The following ZFHX3 variants were observed in gnomAD, a reference collection of about 807,000 sequenced individuals.
ZFHX3 encodes the protein zinc finger homeobox 3.
Under a neutral mutation model 279.1 loss-of-function variants are expected in ZFHX3, and 42 were observed. That is an observed-to-expected ratio of 0.15 (90% CI 0.12 to 0.19). The LOEUF is 0.19. ZFHX3 is among the 10% of genes least tolerant of loss of function. ZFHX3 has a pLI of 1.00. For synonymous variants in ZFHX3, 2,293 were observed against 1,957.8 expected (o/e 1.17, Z -4.52); for missense variants, 4,981 against 4,754.0 (o/e 1.05, Z -1.40).
chr16:73,846,932 G>C lies in ZFHX3; in HGVS notation c.-1608+44719C>G, dbSNP rs1426628350. 1.6e-4 allele frequency among the ~76,000 whole-genome samples: 24 copies of C among 151,498 alleles called. 1 individual carries two copies. Among genetic ancestry groups the C allele is most frequent in the Non-Finnish European group, 3.2e-4 (22 of 67,874 alleles). On this transcript the variant is annotated intron_variant, in intron 1 of 17. Transcript: ENST00000641206. ...TTTATTTTAAACTTGTTTTTAAATA[G>C]TTTTTTTTTCTCCTTTGTTTATATA...
At chr16:73,833,491 A>G (rs1481917601) in intron 1 of ZFHX3, among the ~76,000 whole-genome samples, 1 of 152,148 alleles carries the variant, frequency 6.6e-6, no homozygotes, top group African/African-American at 2.4e-5. Flanking sequence ...TTCTTCAGCA[A>G]ACTAACACAA....
chr16:73,126,120 T>A (rs1966565597), intron 7 of ZFHX3, among the ~76,000 whole-genome samples: 1 of 151,708 alleles, frequency 6.6e-6, no homozygotes, highest in Non-Finnish European at 1.5e-5. Context: ...AGACAGAGAA[T>A]GGGGAGAGAG....
intron 1 of ZFHX3, among the ~76,000 whole-genome samples, chr16:73,055,100 G>A (rs1476850450): frequency 2.7e-5 from 4 of 149,842 alleles, no homozygotes; most frequent in African/African-American, 4.9e-5. Context: ...AACAAATTAC[G>A]ACCTAAACAT....
At chr16:73,355,099 C>T (rs538349176) in intron 3 of ZFHX3, among the ~76,000 whole-genome samples, 5 of 152,192 alleles carry the variant, frequency 3.3e-5, no homozygotes, top group South Asian at 2.1e-4. Flanking sequence ...GAGGTGTGTT[C>T]GGGGGATACG....
At chr16:73,087,021 T>C (rs1228761134) in intron 8 of ZFHX3, among the ~76,000 whole-genome samples, 3 of 152,190 alleles carry the variant, frequency 2.0e-5, no homozygotes, top group Non-Finnish European at 2.9e-5. Context: ...GTATCCCAGT[T>C]ACCCTGATGA....
chr16:73,536,374 A>T (rs886296998), intron 2 of ZFHX3, among the ~76,000 whole-genome samples: 2 of 152,230 alleles, frequency 1.3e-5, no homozygotes, highest in Non-Finnish European at 2.9e-5. Context: ...TTTGGGAGCT[A>T]CAGCCTCAGT....
chr16:73,389,857 C>T (rs1455976973), intron 3 of ZFHX3, among the ~76,000 whole-genome samples: 5 of 152,086 alleles, frequency 3.3e-5, no homozygotes, highest in Non-Finnish European at 1.5e-5. Flanking sequence ...GTCAGGAGTT[C>T]GAGACCAGCC....
chr16:73,497,532 T>C (rs922713249), intron 2 of ZFHX3, among the ~76,000 whole-genome samples: 4 of 152,104 alleles, frequency 2.6e-5, no homozygotes, highest in Middle Eastern at 3.4e-3. Flanking sequence ...TAGATGGGTG[T>C]GGAAGCATAT....
rs996224691 is a variant in ZFHX3, at chr16:73,421,481, T to G, written c.-1291+34522A>C. On this transcript the variant is annotated intron_variant, in intron 3 of 17. Coordinates refer to the ZFHX3 transcript ENST00000641206. The stretch of plus-strand genomic sequence containing the variant: ...TTTTGAATGAATTTGCAAAATAATT[T>G]TGCTAAATTACATAAATATCTTTAG... 4 of 152,240 alleles carry G rather than the reference T, an allele frequency of 2.6e-5. No homozygotes were observed. The East Asian group carries it at 7.7e-4, about 29-fold the overall frequency. 9.4% of individuals were successfully genotyped at this position (152,240 alleles called of 1,614,324 possible).
chr16:73,085,771 CA>C (rs1966004125), intron 8 of ZFHX3, among the ~76,000 whole-genome samples: 1 of 151,746 alleles, frequency 6.6e-6, no homozygotes, highest in South Asian at 2.1e-4. Context: ...TTGGTCTGGG[CA>C]AAAATTTTGG....
chr16:72,957,717 TCA>T lies in ZFHX3; in HGVS notation c.2427_2428del (p.Cys809Ter). The stretch of plus-strand genomic sequence containing the variant: ...GTTCCTGGCCACGTTGGTCTCATAA[TCA>T]CACACCTCGCACCGCCAGGTGGGTT... On this transcript the variant is annotated stop_gained and frameshift_variant, in exon 2 of 10. Coordinates refer to ENST00000268489, the MANE Select transcript of ZFHX3 (RefSeq NM_006885.4). LOFTEE classifies it high-confidence loss of function. 1 of 1,614,158 alleles carries T rather than the reference TCA, an allele frequency of 6.2e-7. No individual in the cohort carries two copies. The highest frequency in any genetic ancestry group is 8.5e-7 in the Non-Finnish European group (1 of 1,180,020).
chr16:73,473,089 C>A lies in ZFHX3; in HGVS notation c.-1546-16831G>T, dbSNP rs533930417. Among the ~76,000 whole-genome samples, 14 of 151,578 alleles carry A rather than the reference C, an allele frequency of 9.2e-5. No individual in the cohort carries two copies. In the South Asian group the frequency reaches 2.9e-3, roughly 32 times the overall value. ...GGCACAGTGGCTCATGCCTCTATTC[C>A]CACCACTTTGGGAGGCTGAGGTAGG... On this transcript the variant is annotated intron_variant, in intron 2 of 17. Coordinates refer to the ZFHX3 transcript ENST00000641206.
intron 5 of ZFHX3, among the ~76,000 whole-genome samples, chr16:73,192,955 T>G (rs1162950237): frequency 6.6e-6 from 1 of 152,166 alleles, no homozygotes; most frequent in Non-Finnish European, 1.5e-5. Flanking sequence ...TCAGTTTCCC[T>G]GTCTGTGAAA....
At chr16:73,107,381 C>T (rs199690727) in intron 7 of ZFHX3, among the ~76,000 whole-genome samples, 1 of 151,986 alleles carries the variant, frequency 6.6e-6, no homozygotes, top group African/African-American at 2.4e-5. Flanking sequence ...TATTTCATAT[C>T]AAACCTTATT....
rs557253614 is a variant in ZFHX3 at position 73,600,829 on chromosome 16, G to C, written c.-1547+79351C>G. 3.3e-5 allele frequency among the ~76,000 whole-genome samples: 5 copies of C among 152,184 alleles called. 1 individual carries two copies. The South Asian group carries it at 1.0e-3, about 32-fold the overall frequency. On this transcript the variant is annotated intron_variant, in intron 2 of 17. Coordinates refer to the ZFHX3 transcript ENST00000641206. Reference sequence around the variant, plus strand: ...ACACCCAATCCCTTCCAGAAGAGTAGGCACATACCCAAATCTGGTTTGTCA... The same window carrying C: ...ACACCCAATCCCTTCCAGAAGAGTACGCACATACCCAAATCTGGTTTGTCA...
chr16:73,314,040 A>G (rs2015389681), intron 4 of ZFHX3, among the ~76,000 whole-genome samples: 1 of 152,152 alleles, frequency 6.6e-6, no homozygotes, highest in South Asian at 2.1e-4. Flanking sequence ...TGGAGGTTGC[A>G]GTGAGCCAAG....
chr16:73,191,738 C>T (rs1005926147), intron 5 of ZFHX3, among the ~76,000 whole-genome samples: 20 of 150,216 alleles, frequency 1.3e-4, no homozygotes, highest in Non-Finnish European at 2.5e-4. Context: ...TTTTTTTCTG[C>T]GGGAAGACAA....
At chr16:73,071,456 T>TCTGCTGCTGCTG (rs749188404) in intron 8 of ZFHX3, among the ~76,000 whole-genome samples, 41 of 150,708 alleles carry the variant, frequency 2.7e-4, no homozygotes, top group African/African-American at 9.4e-4. Flanking sequence ...TGGTCTTTTC[T>TCTGCTGCTGCTG]CTGCTGCTGC....
At chr16:73,077,763 G>A (rs181202511) in intron 8 of ZFHX3, among the ~76,000 whole-genome samples, 43 of 152,264 alleles carry the variant, frequency 2.8e-4, no homozygotes, top group Non-Finnish European at 1.6e-4. Context: ...TAAATTTGCC[G>A]ATCGTGTCAA....
Sources: gnomAD v4.1 joint callset for allele counts (sites outside exome capture counted in the v4.1 genomes callset) on GRCh38, gnomAD v4.1.1 for gene constraint, MANE v1.5 for transcripts, NCBI Gene and HGNC (gene_info 2026-07-23, HGNC 2026-07-21) for gene names.